The following CD163L1 variants were observed in gnomAD, a reference collection of about 807,000 sequenced individuals.
CD163L1 encodes the protein CD163 molecule like 1.
In CD163L1, 124 loss-of-function variants were observed where a neutral mutation model predicts 165.4. That is an observed-to-expected ratio of 0.75 (90% CI 0.65 to 0.87). The LOEUF (loss-of-function observed/expected upper bound fraction) is 0.87, where lower values mean the gene tolerates loss of function less well. Ranked by LOEUF, CD163L1 falls within the 40% of genes least tolerant of loss-of-function variation. CD163L1 has a pLI of 0.00. For missense variants in CD163L1, 1,525 were observed against 1,799.9 expected, an observed-to-expected ratio of 0.85 and a Z score of 2.76; for synonymous variants, 585 against 662.2, an observed-to-expected ratio of 0.88 and a Z score of 1.79.
chr12:7,421,511 A>ATATACATATATG (rs1565810352), intron 4 of CD163L1, among the ~76,000 whole-genome samples: 2 of 125,724 alleles, frequency 1.6e-5, no homozygotes, highest in Admixed American at 8.7e-5. Context: ...ACATATACAT[A>ATATACATATATG]TACATATATG....
At chr12:7,381,400 T>C (rs758132717) in intron 8 of CD163L1, among the ~76,000 whole-genome samples, 1 of 152,350 alleles carries the variant, frequency 6.6e-6, no homozygotes, top group South Asian at 2.1e-4. Flanking sequence ...TATTTTGATA[T>C]AATCTTGTGT....
intron 8 of CD163L1, among the ~76,000 whole-genome samples, chr12:7,382,043 A>T (rs1947421794): frequency 6.8e-6 from 1 of 147,944 alleles, no homozygotes; most frequent in Non-Finnish European, 1.5e-5. Flanking sequence ...TTTATATATA[A>T]TTGTTTTATA....
At position 7,369,145 on chromosome 12, in the gene CD163L1, C is replaced by T. The variant is rs994555736; in HGVS notation, c.4040-180G>A. ...TTGCTTCAAAGTCTAAGGCCAAATCCACCTTTCTTCCCTCAAAATTATGGG... is the reference window on the plus strand; with the variant it reads ...TTGCTTCAAAGTCTAAGGCCAAATCTACCTTTCTTCCCTCAAAATTATGGG... On this transcript the variant is annotated intron_variant, in intron 15 of 19. Coordinates refer to ENST00000313599, the MANE Select transcript of CD163L1 (RefSeq NM_174941.6). This position sits in a 1 kb window ranked among gnomAD's most constrained non-coding sequence, Gnocchi z 4.9. 6.6e-6 allele frequency among the ~76,000 whole-genome samples: 1 copy of T among 152,188 alleles called. No individual in the cohort carries two copies. Among genetic ancestry groups the T allele is most frequent in the African/African-American group, 2.4e-5 (1 of 41,448 alleles).
At position 7,373,232 on chromosome 12, in the gene CD163L1, T is replaced by A. The variant is rs988683452; in HGVS notation, c.3730+88A>T. 6 of 1,109,660 alleles carry A rather than the reference T, an allele frequency of 5.4e-6. No individual in the cohort carries two copies. In the African/African-American group the frequency reaches 9.4e-5, roughly 17 times the overall value. 68.7% of individuals were successfully genotyped at this position (1,109,660 alleles called of 1,614,324 possible). Reference sequence around the variant, plus strand: ...CATGCACTTTTCAGTGAGTCTGCCATGTGCTCCTGAATGGAAAGATTTGCT... The same window carrying A: ...CATGCACTTTTCAGTGAGTCTGCCAAGTGCTCCTGAATGGAAAGATTTGCT... On this transcript the variant is annotated intron_variant, in intron 14 of 19. Transcript: ENST00000313599.
the CD163L1 span, among the ~76,000 whole-genome samples, chr12:7,331,325 A>AGCCT: frequency 6.6e-6 from 1 of 152,242 alleles, no homozygotes; most frequent in Non-Finnish European, 1.5e-5. Flanking sequence ...AGCTCCAGGA[A>AGCCT]GCCTGCCTGC....
chr12:7,373,469 AG>A lies in CD163L1; in HGVS notation c.3580del (p.Leu1194SerfsTer53), dbSNP rs762781774. ...AGAGCCTGTCTTAGATAAAGGGGCGAGGCTGACAACTCCATTCTCCCCACAG... is the reference window on the plus strand; with the variant it reads ...AGAGCCTGTCTTAGATAAAGGGGCGAGCTGACAACTCCATTCTCCCCACAG... ...LGCGENGVVS[L>X]APLSKTGSGF... On this transcript the variant is annotated frameshift_variant, in exon 14 of 20. Coordinates refer to ENST00000313599, the MANE Select transcript of CD163L1 (RefSeq NM_174941.6). LOFTEE classifies it high-confidence loss of function. The A allele has an allele frequency of 9.9e-6, 16 of 1,614,108 alleles. No individual in the cohort carries two copies. The highest frequency in any genetic ancestry group is 1.4e-5 in the Non-Finnish European group (16 of 1,180,046).
intron 2 of CD163L1, chr12:7,439,900 CCTT>C (rs139490924): frequency 0.069 from 111,151 of 1,604,330 alleles, 6,117 homozygotes; most frequent in African/African-American, 0.24. Context: ...TACTCCAACT[CCTT>C]CTTCGACTTC....
intron 19 of CD163L1, 130 bp downstream of exon 19, chr12:7,357,250 T>C: frequency 3.5e-6 from 2 of 574,694 alleles, no homozygotes; most frequent in Middle Eastern, 4.4e-4. Flanking sequence ...CATAGAATAT[T>C]TGAAATACTG....
the CD163L1 span, chr12:7,327,087 C>T: frequency 6.2e-7 from 1 of 1,603,470 alleles, no homozygotes; most frequent in Admixed American, 1.7e-5. Flanking sequence ...TTACAAATAT[C>T]CAAGAAAGGC....
intron 4 of CD163L1, among the ~76,000 whole-genome samples, chr12:7,431,784 T>G (rs1005810168): frequency 1.3e-5 from 2 of 152,100 alleles, no homozygotes; most frequent in Non-Finnish European, 2.9e-5. Flanking sequence ...ATTTCTGACT[T>G]GAATAATGAA....
chr12:7,390,673 A>G (rs1947635616), intron 8 of CD163L1, among the ~76,000 whole-genome samples: 1 of 152,220 alleles, frequency 6.6e-6, no homozygotes, highest in Admixed American at 6.5e-5. Flanking sequence ...TTTAAAAGGA[A>G]AATTTCAAGT....
At chr12:7,370,838 G>A (rs73059743) in intron 14 of CD163L1, among the ~76,000 whole-genome samples, 4 of 152,146 alleles carry the variant, frequency 2.6e-5, no homozygotes, top group Non-Finnish European at 5.9e-5. Flanking sequence ...GTGCATCATT[G>A]AATGGCCTAT....
At chr12:7,379,338 A>C in intron 8 of CD163L1, 40 bp from the exon 9 acceptor site, 1 of 1,587,026 alleles carries the variant, frequency 6.3e-7, no homozygotes, top group Non-Finnish European at 8.6e-7. Flanking sequence ...GAAGCACTCT[A>C]TGTGAGACAT....
At position 7,433,404 on chromosome 12, in the gene CD163L1, GAT is replaced by G; in HGVS notation, c.413_414del (p.Tyr138SerfsTer12). ...QHREWGSHNC[Y>X]HGEDVGVNCY... ...CAGTTCACACCAACATCTTCTCCAT[GAT>G]AACAGTTATGGCTTCCCCATTCCCG... On this transcript the variant is annotated frameshift_variant, in exon 3 of 20. Coordinates refer to ENST00000313599, the MANE Select transcript of CD163L1 (RefSeq NM_174941.6). LOFTEE classifies it high-confidence loss of function. The G allele has an allele frequency of 6.2e-7, 1 of 1,603,318 alleles. No individual in the cohort carries two copies. The highest frequency in any genetic ancestry group is 8.5e-7 in the Non-Finnish European group (1 of 1,174,594).
intron 4 of CD163L1, among the ~76,000 whole-genome samples, chr12:7,348,314 T>C (rs1385783848): frequency 6.6e-6 from 1 of 152,240 alleles, no homozygotes; most frequent in Non-Finnish European, 1.5e-5. Flanking sequence ...TAACTAGTTG[T>C]AATGAATGTT....
Position 7,367,226 on chromosome 12 carries a change from T to G in CD163L1, c.4279+10A>C. 1 of 1,584,132 alleles carries G rather than the reference T, an allele frequency of 6.3e-7. No homozygotes were observed. The highest frequency in any genetic ancestry group is 8.7e-7 in the Non-Finnish European group (1 of 1,155,850). ...TCTCCATGGAGTGCGGCCCCTGGAG[T>G]TGCACAGACCTGAGGTTCTTGTCCC... is the stretch of plus-strand genomic sequence containing the variant. On this transcript the variant is annotated intron_variant, in intron 18 of 19. Transcript: ENST00000313599.
chr12:7,362,319 A>G (rs1316794205), intron 18 of CD163L1, among the ~76,000 whole-genome samples: 1 of 139,512 alleles, frequency 7.2e-6, no homozygotes, highest in African/African-American at 2.6e-5. Flanking sequence ...ATTATATTAA[A>G]TTATATAAAA....
At position 7,374,831 on chromosome 12, in the gene CD163L1, C is replaced by T. The variant is rs750467705; in HGVS notation, c.3094G>A (p.Glu1032Lys). Reference protein sequence around the residue: ...VPEGSALICLEDKRLRLVDGD... With the variant: ...VPEGSALICLKDKRLRLVDGD... ...GTTTCCTAAAACTGATTCTGCTTACCTAAGCAGATCAAAGCACTGCCCTCT... is the reference window on the plus strand; with the variant it reads ...GTTTCCTAAAACTGATTCTGCTTACTTAAGCAGATCAAAGCACTGCCCTCT... Residue 1032 changes from glutamate (E) to lysine (K), a missense_variant and splice_region_variant, in exon 12 of 20, where the codon GAG becomes AAG. Glu to Lys is a moderately conservative substitution (Grantham distance 56). Transcript: ENST00000313599. This position sits in a 1 kb window ranked among gnomAD's most constrained non-coding sequence, Gnocchi z 5.4. 6.2e-7 allele frequency: 1 copy of T among 1,613,776 alleles called. No individual in the cohort carries two copies. The highest frequency in any genetic ancestry group is 2.2e-5 in the East Asian group (1 of 44,872).
intron 2 of CD163L1, among the ~76,000 whole-genome samples, chr12:7,436,430 A>G (rs1002720309): frequency 2.0e-5 from 3 of 152,218 alleles, no homozygotes; most frequent in African/African-American, 7.2e-5. Flanking sequence ...AAAGCATTCA[A>G]TTAAAATAAT....
Sources: gnomAD v4.1 joint callset for allele counts (sites outside exome capture counted in the v4.1 genomes callset) on GRCh38, gnomAD v4.1.1 for gene constraint, Gnocchi (gnomAD v3.1) non-coding constraint, MANE v1.5 for transcripts, NCBI Gene and HGNC (gene_info 2026-07-23, HGNC 2026-07-21) for gene names.